Variants in PLOD1 observed in about 807,000 individuals in gnomAD.
PLOD1 encodes lysine hydroxylase.
In PLOD1, 70 loss-of-function variants were observed where a neutral mutation model predicts 94.7. The observed-to-expected ratio is 0.74, with a 90% confidence interval of 0.61 to 0.90. The LOEUF is 0.90. PLOD1 is among the 40% of genes least tolerant of loss of function. The probability of loss-of-function intolerance (pLI) is 0.00; values close to 1 mark genes in which losing one functional copy is unlikely to be tolerated. For synonymous variants in PLOD1, 417 were observed against 400.2 expected, an observed-to-expected ratio of 1.04 and a Z score of -0.50; for missense variants, 905 against 972.7, an observed-to-expected ratio of 0.93 and a Z score of 0.93.
chr1:11,960,615 C>A, intron 9 of PLOD1, 31 bp from the exon 10 acceptor site: 1 of 1,463,552 alleles, frequency 6.8e-7, no homozygotes, highest in South Asian at 1.1e-5. Context: ...CCTCCTCACC[C>A]CCGCATCCCC....
intron 6 of PLOD1, among the ~76,000 whole-genome samples, chr1:11,955,969 G>T (rs555189404): frequency 2.6e-5 from 4 of 151,940 alleles, no homozygotes; most frequent in Non-Finnish European, 5.9e-5. Context: ...ACTATGTTGC[G>T]CAGGCTTGTC....
chr1:11,950,729 C>T (rs947641141), intron 4 of PLOD1, among the ~76,000 whole-genome samples: 1 of 152,124 alleles, frequency 6.6e-6, no homozygotes, highest in Admixed American at 6.5e-5. Context: ...ATAGACAGAA[C>T]CCAGGAGTCA....
chr1:11,959,266 T>G (rs990966505), intron 9 of PLOD1, among the ~76,000 whole-genome samples: 1 of 151,718 alleles, frequency 6.6e-6, no homozygotes, highest in Non-Finnish European at 1.5e-5. Flanking sequence ...AATTGTGCAA[T>G]CACACAGAAT....
intron 16 of PLOD1, 141 bp from the exon 17 acceptor site, chr1:11,970,529 C>A: frequency 1.3e-6 from 1 of 794,068 alleles, no homozygotes; most frequent in Non-Finnish European, 2.1e-6. Flanking sequence ...TGATTAGGAG[C>A]CTTAATTGTA....
intron 16 of PLOD1, among the ~76,000 whole-genome samples, chr1:11,969,287 C>T (rs1039688053): frequency 1.3e-5 from 2 of 152,142 alleles, no homozygotes; most frequent in Non-Finnish European, 2.9e-5. Context: ...CCGTGCCTGG[C>T]CTCATTTTCT....
intron 1 of PLOD1, among the ~76,000 whole-genome samples, chr1:11,941,149 A>G (rs982909841): frequency 6.6e-6 from 1 of 152,230 alleles, no homozygotes; most frequent in African/African-American, 2.4e-5. Context: ...GTGAAATAAG[A>G]TAATGAATGT....
At chr1:11,954,184 TAGCGGCCA>T in intron 5 of PLOD1, 1 of 126,002 alleles carries the variant, frequency 7.9e-6, no homozygotes, top group Non-Finnish European at 1.7e-5. Context: ...ATATTTGGAG[TAGCGGCCA>T]GGTGCGGTGG....
chr1:11,943,944 C>T (rs998281814), intron 1 of PLOD1, among the ~76,000 whole-genome samples: 3 of 152,036 alleles, frequency 2.0e-5, no homozygotes, highest in African/African-American at 7.2e-5. Context: ...GTGCTTGGAA[C>T]AGCATTGGCT....
rs757611499 is a variant in PLOD1 at position 11,958,684 on chromosome 1, T to G, written c.975+37T>G. 8.7e-6 allele frequency: 14 copies of G among 1,613,056 alleles called. No homozygotes were observed. Among genetic ancestry groups the G allele is most frequent in the Non-Finnish European group, 1.2e-5 (14 of 1,179,666 alleles). On this transcript the variant is annotated intron_variant, in intron 9 of 18. Coordinates refer to ENST00000196061, the MANE Select transcript of PLOD1 (RefSeq NM_000302.4). This position sits in a 1 kb window ranked among gnomAD's most constrained non-coding sequence, Gnocchi z 4.3. The stretch of plus-strand genomic sequence containing the variant: ...GCGCTCTGTGGGGTCGTCATGTGGC[T>G]TAGATCCAGGGCCCAGCTTCACAAG...
At chr1:11,974,620 G>A (rs1001934471) in intron 18 of PLOD1, 33 bp from the exon 19 acceptor site, 1 of 1,602,908 alleles carries the variant, frequency 6.2e-7, no homozygotes, top group Non-Finnish European at 8.5e-7. Flanking sequence ...GGGGGGCGGT[G>A]GGGAAAGGCC....
In PLOD1 at chr1:11,949,905, A is replaced by G. The variant is rs780490883; in HGVS notation, c.301A>G (p.Ser101Gly). The G allele has an allele frequency of 6.2e-7, 1 of 1,613,988 alleles. No homozygotes were observed. Among genetic ancestry groups the G allele is most frequent in the Admixed American group, 1.7e-5 (1 of 60,010 alleles). Residue 101 changes from serine (S) to glycine (G), a missense_variant and splice_region_variant, in exon 3 of 19, where the codon AGC becomes GGC. Physicochemically the swap from Ser to Gly is moderately conservative, Grantham distance 56. Transcript: ENST00000196061. ...KEDLVILFAD[S>G]YDVLFASGPR... ...GGATCTGGTCATTCTCTTCGCAGACAGGTAGGTGGGTCAGGGCTTCCTAGC... is the reference window on the plus strand; with the variant it reads ...GGATCTGGTCATTCTCTTCGCAGACGGGTAGGTGGGTCAGGGCTTCCTAGC...
At chr1:11,967,594 T>TATATATATATATATATATATATAAA (rs1557498296) in intron 16 of PLOD1, among the ~76,000 whole-genome samples, 1 of 109,558 alleles carries the variant, frequency 9.1e-6, no homozygotes, top group African/African-American at 4.6e-5. Flanking sequence ...TGTGTGTGTG[T>TATATATATATATATATATATATAAA]GTGTATATAT....
intron 2 of PLOD1, among the ~76,000 whole-genome samples, chr1:11,949,129 T>G (rs1645678089): frequency 6.6e-6 from 1 of 152,226 alleles, no homozygotes; most frequent in Non-Finnish European, 1.5e-5. Context: ...CACAGATTCA[T>G]GTGCCCCAGT....
At position 11,973,041 on chromosome 1, in the gene PLOD1, G is replaced by A. The variant is rs1220200860; in HGVS notation, c.2028+44G>A. 3.7e-6 allele frequency: 6 copies of A among 1,612,176 alleles called. No homozygotes were observed. In the South Asian group the frequency reaches 5.5e-5, roughly 15 times the overall value. On this transcript the variant is annotated intron_variant, in intron 18 of 18. Coordinates refer to ENST00000196061, the MANE Select transcript of PLOD1 (RefSeq NM_000302.4). ...GGGTCAAGGGGCCGGCAATGGGGAT[G>A]AGGAGGGCTAGCTGAGGAGAGGCTT...
At chr1:11,956,260 TG>T (rs1645737027) in intron 6 of PLOD1, among the ~76,000 whole-genome samples, 1 of 152,134 alleles carries the variant, frequency 6.6e-6, no homozygotes, top group Non-Finnish European at 1.5e-5. Flanking sequence ...GGCATGTGCC[TG>T]TAATCCCAGC....
At position 11,963,473 on chromosome 1, in the gene PLOD1, G is replaced by T; in HGVS notation, c.1098-59G>T. 8.9e-7 allele frequency: 1 copy of T among 1,129,720 alleles called. No homozygotes were observed. The highest frequency in any genetic ancestry group is 1.3e-5 in the South Asian group (1 of 75,804). 70.0% of individuals were successfully genotyped at this position (1,129,720 alleles called of 1,614,324 possible). A position where few individuals can be genotyped will look rare whatever the true frequency, so the allele number is the denominator to read the frequency against. ...GAAGCCAGACTGTGGTCACAGATGT[G>T]AGCAGCCACCAGTAGCTCCAGGATC... On this transcript the variant is annotated intron_variant, in intron 10 of 18. Coordinates refer to ENST00000196061, the MANE Select transcript of PLOD1 (RefSeq NM_000302.4). The surrounding 1 kb of genome is among the most constrained non-coding windows in gnomAD (Gnocchi z 4.3).
intron 10 of PLOD1, among the ~76,000 whole-genome samples, chr1:11,962,319 C>T (rs1378843401): frequency 1.3e-5 from 2 of 148,438 alleles, no homozygotes; most frequent in African/African-American, 5.0e-5. Flanking sequence ...CTCTGTCACC[C>T]AGGCTGGAGT....
chr1:11,953,681 A>G lies in PLOD1; in HGVS notation c.579+946A>G, dbSNP rs907798492. On this transcript the variant is annotated intron_variant, in intron 5 of 18. Transcript: ENST00000196061. ...GTGGTGGGTGCCTGTAATCCCAGCT[A>G]CTCAGGAGGCTGAGGCAGGAGAATT... Among the ~76,000 whole-genome samples the G allele has an allele frequency of 5.9e-5, 9 of 151,314 alleles. No homozygotes were observed. The East Asian group carries it at 1.8e-3, about 31-fold the overall frequency.
chr1:11,969,242 G>A (rs1338022152), intron 16 of PLOD1, among the ~76,000 whole-genome samples: 1 of 151,994 alleles, frequency 6.6e-6, no homozygotes, highest in African/African-American at 2.4e-5. Context: ...ACCCACCTTG[G>A]CCTCCCAAAG....
Sources: allele counts gnomAD v4.1 joint callset (sites outside exome capture counted in the v4.1 genomes callset), GRCh38; gene constraint gnomAD v4.1.1; non-coding constraint Gnocchi (gnomAD v3.1); transcripts MANE v1.5; gene names NCBI Gene and HGNC (gene_info 2026-07-23, HGNC 2026-07-21).